Variants in NPNT observed in about 807,000 individuals in gnomAD.
NPNT encodes preosteoblast EGF-like repeat protein with MAM domain.
A neutral mutation model predicts 68.6 loss-of-function variants in NPNT; 45 were observed. That is an observed-to-expected ratio of 0.66 (90% CI 0.52 to 0.84). The LOEUF is 0.84. NPNT is among the 40% of genes least tolerant of loss of function. The probability of loss-of-function intolerance (pLI) is 0.00; values close to 1 mark genes in which losing one functional copy is unlikely to be tolerated. For synonymous variants in NPNT, 233 were observed against 253.3 expected, an observed-to-expected ratio of 0.92 and a Z score of 0.76; for missense variants, 672 against 714.8, an observed-to-expected ratio of 0.94 and a Z score of 0.68.
At chr4:105,938,453 GCCTCT>G (rs1729673342) in intron 5 of NPNT, 33 bp downstream of exon 5, 2 of 1,607,640 alleles carry the variant, frequency 1.2e-6, no homozygotes, top group African/African-American at 1.3e-5. Flanking sequence ...TCTGTCAGCA[GCCTCT>G]GTAGGATAAA....
At chr4:105,911,452 C>A (rs142774382) in intron 2 of NPNT, among the ~76,000 whole-genome samples, 3,053 of 152,062 alleles carry the variant, frequency 0.02, 102 homozygotes, top group African/African-American at 0.068. Context: ...ATTAATTTAG[C>A]AGAGAAGAAT....
chr4:105,898,363 TC>T (rs749353060), intron 2 of NPNT, among the ~76,000 whole-genome samples: 7,375 of 143,402 alleles, frequency 0.051, 363 homozygotes, highest in African/African-American at 0.12. Context: ...TCTCTCTCTC[TC>T]TCTCTCTCTC....
chr4:105,907,675 G>A (rs1050672741), intron 2 of NPNT, among the ~76,000 whole-genome samples: 1 of 152,110 alleles, frequency 6.6e-6, no homozygotes, highest in Non-Finnish European at 1.5e-5. Context: ...GTGCATCCCT[G>A]GGAACATGCC....
At chr4:105,899,385 TG>T (rs1265407998) in intron 2 of NPNT, among the ~76,000 whole-genome samples, 1 of 152,212 alleles carries the variant, frequency 6.6e-6, no homozygotes, top group African/African-American at 2.4e-5. Flanking sequence ...AGTCTCCAGC[TG>T]TGCAAATACT....
intron 9 of NPNT, 25 bp from the exon 10 acceptor site, chr4:105,959,003 C>T (rs938817857): frequency 4.2e-6 from 6 of 1,433,286 alleles, no homozygotes; most frequent in Admixed American, 1.7e-5. Context: ...CTGATCCACT[C>T]ATCTTTCTGA....
intron 8 of NPNT, among the ~76,000 whole-genome samples, chr4:105,943,266 AT>A (rs1355403271): frequency 1.3e-5 from 2 of 152,220 alleles, no homozygotes; most frequent in Non-Finnish European, 2.9e-5. Context: ...GGTAGGGAAT[AT>A]TCAGGGAGGG....
At chr4:105,908,810 G>A (rs905323514) in intron 2 of NPNT, among the ~76,000 whole-genome samples, 31 of 152,188 alleles carry the variant, frequency 2.0e-4, no homozygotes, top group African/African-American at 6.0e-4. Flanking sequence ...TGATCTGCCC[G>A]CCTCAGCCTT....
chr4:105,940,220 C>G lies in NPNT; in HGVS notation c.640+11C>G, dbSNP rs1458750885. The G allele has an allele frequency of 6.2e-7, 1 of 1,611,542 alleles. No homozygotes were observed. Among genetic ancestry groups the G allele is most frequent in the Non-Finnish European group, 8.5e-7 (1 of 1,178,504 alleles). On this transcript the variant is annotated intron_variant, in intron 6 of 11. Coordinates refer to ENST00000379987, the MANE Select transcript of NPNT (RefSeq NM_001033047.3). ...AATATCAATGTCATGGTAATGAAAC[C>G]CAACCATTGCTTTGTGTTGTTTCTT...
chr4:105,903,326 C>T (rs1399546477), intron 2 of NPNT, among the ~76,000 whole-genome samples: 2 of 152,146 alleles, frequency 1.3e-5, no homozygotes, highest in Non-Finnish European at 2.9e-5. Flanking sequence ...TAGTGAAGCT[C>T]AATGATTCTA....
chr4:105,910,732 G>A (rs1320100279), intron 2 of NPNT, among the ~76,000 whole-genome samples: 1 of 152,016 alleles, frequency 6.6e-6, no homozygotes. Flanking sequence ...TTATCTTGAA[G>A]TCGGGTATAT....
At chr4:105,906,512 T>C (rs1726910617) in intron 2 of NPNT, among the ~76,000 whole-genome samples, 1 of 152,202 alleles carries the variant, frequency 6.6e-6, no homozygotes, top group Non-Finnish European at 1.5e-5. Context: ...TTCAGCTAGA[T>C]ACAGCCCAGA....
In NPNT at chr4:105,897,969, G is replaced by T. The variant is rs754573188; in HGVS notation, c.140G>T (p.Gly47Val). The change falls in exon 2 of 12, where the codon GGC becomes GTC. Residue 47 changes from glycine (G) to valine (V), a missense_variant. Gly to Val is a moderately radical substitution (Grantham distance 109, BLOSUM62 -3). Coordinates refer to ENST00000379987, the MANE Select transcript of NPNT (RefSeq NM_001033047.3). ...GGTGGGAGGATTGACTGCTGCTGGG[G>T]CTGGGCTCGCCAGTCTTGGGGACAG... ...RYGGRIDCCW[G>V]WARQSWGQCQ... 29 of 1,612,692 alleles carry T rather than the reference G, an allele frequency of 1.8e-5. No individual in the cohort carries two copies. Among genetic ancestry groups the T allele is most frequent in the African/African-American group, 2.7e-5 (2 of 74,784 alleles).
chr4:105,895,679 G>A lies in NPNT; in HGVS notation c.27G>A (p.Leu9=). ...TGGATTTTCTCCTGGCGCTGGTGCTGGTATCCTCGCTCTACCTGCAGGCGG... is the reference window on the plus strand; with the variant it reads ...TGGATTTTCTCCTGGCGCTGGTGCTAGTATCCTCGCTCTACCTGCAGGCGG... The part of the protein sequence containing the change: MDFLLALV[L]VSSLYLQAAA... The change falls in exon 1 of 12, where the codon CTG becomes CTA. Residue 9 remains leucine (L), a synonymous_variant. Transcript: ENST00000379987. 2 of 1,553,534 alleles carry A rather than the reference G, an allele frequency of 1.3e-6. No individual in the cohort carries two copies. The highest frequency in any genetic ancestry group is 1.7e-6 in the Non-Finnish European group (2 of 1,148,182).
chr4:105,955,930 A>G (rs1207295305), intron 8 of NPNT, among the ~76,000 whole-genome samples: 1 of 152,158 alleles, frequency 6.6e-6, no homozygotes, highest in African/African-American at 2.4e-5. Flanking sequence ...AGAGCACACA[A>G]AATTGTAAGA....
rs530445240 is a variant in NPNT, at chr4:105,922,551, G to GT, written c.173-4778dup. ...AGGTGCCCACCACCACACCTGGCTA[G>GT]TTTTTTTGTAGAGATAGGGTTTTAC... is the stretch of plus-strand genomic sequence containing the variant. On this transcript the variant is annotated intron_variant, in intron 2 of 11. Transcript: ENST00000379987. Among the ~76,000 whole-genome samples the GT allele has an allele frequency of 2.0e-3, 303 of 151,710 alleles. 1 individual carries two copies. Among genetic ancestry groups the GT allele is most frequent in the African/African-American group, 7.1e-3 (292 of 41,400 alleles).
chr4:105,965,537 G>A (rs1732053774), intron 10 of NPNT, among the ~76,000 whole-genome samples: 1 of 152,168 alleles, frequency 6.6e-6, no homozygotes. Flanking sequence ...TGGCAGAATG[G>A]TATCAGTGTA....
chr4:105,904,705 C>T (rs949324316), intron 2 of NPNT, among the ~76,000 whole-genome samples: 1 of 151,608 alleles, frequency 6.6e-6, no homozygotes, highest in Admixed American at 6.6e-5. Context: ...TTCTTTGAGA[C>T]GGGGTCTCAC....
chr4:105,896,203 G>T (rs889897061), intron 1 of NPNT, among the ~76,000 whole-genome samples: 1 of 152,084 alleles, frequency 6.6e-6, no homozygotes, highest in African/African-American at 2.4e-5. Flanking sequence ...GCGAGTCAGC[G>T]ACTGGGCTAC....
chr4:105,964,837 G>A (rs540821066), intron 10 of NPNT, among the ~76,000 whole-genome samples: 1 of 152,112 alleles, frequency 6.6e-6, no homozygotes, highest in Non-Finnish European at 1.5e-5. Flanking sequence ...ATGTTCTTCA[G>A]TAAGAAATTG....
Sources: allele counts gnomAD v4.1 joint callset (sites outside exome capture counted in the v4.1 genomes callset), GRCh38; gene constraint gnomAD v4.1.1; transcripts MANE v1.5; gene names NCBI Gene and HGNC (gene_info 2026-07-23, HGNC 2026-07-21).